LUM: variants seen among roughly 807,000 people sequenced by gnomAD.
The protein encoded by LUM is lumican, also known as KSPG lumican.
In LUM, 13 loss-of-function variants were observed where a neutral mutation model predicts 20.5. That is an observed-to-expected ratio of 0.63 (90% CI 0.41 to 1.01). The LOEUF (loss-of-function observed/expected upper bound fraction) is 1.01. Ranked by LOEUF, LUM falls within the 50% of genes least tolerant of loss-of-function variation. LUM has a pLI of 0.00. For missense variants in LUM, 321 were observed against 391.1 expected (o/e 0.82, Z 1.51); for synonymous variants, 173 against 151.5 (o/e 1.14, Z -1.04).
Position 91,103,508 on chromosome 12 carries a change from T to C in LUM, c.*657A>G, listed in dbSNP as rs985079601. On this transcript the variant is annotated 3_prime_UTR_variant, in exon 3 of 3. Transcript: ENST00000266718. ...AATCTATTGTTTTATGTATTTTATA[T>C]ACAAAGTACAGAAATTTCACAAGAA... 6.6e-6 allele frequency: 1 copy of C among 152,130 alleles called. No individual in the cohort carries two copies. The highest frequency in any genetic ancestry group is 2.4e-5 in the African/African-American group (1 of 41,454). The allele number at this position is 152,130 out of a possible 1,614,324, so 9.4% of individuals were successfully genotyped here.
intron 1 of LUM, among the ~76,000 whole-genome samples, chr12:91,109,320 T>G (rs569091277): frequency 6.6e-6 from 1 of 152,266 alleles, no homozygotes; most frequent in African/African-American, 2.4e-5. Context: ...CTGGGTGGTG[T>G]TCATTGACCA....
chr12:91,107,279 G>GAA (rs1458600812), intron 2 of LUM, among the ~76,000 whole-genome samples: 1 of 97,670 alleles, frequency 1.0e-5, no homozygotes, highest in Non-Finnish European at 2.0e-5. Context: ...AAGAAAGAAA[G>GAA]AAAGAAAGAG....
chr12:91,109,923 G>T (rs1034202018), intron 1 of LUM, among the ~76,000 whole-genome samples: 1 of 152,096 alleles, frequency 6.6e-6, no homozygotes, highest in Non-Finnish European at 1.5e-5. Flanking sequence ...TGGGAGAGAG[G>T]TGTGATGTTT....
chr12:91,108,093 A>C lies in LUM; in HGVS notation c.862+25T>G. On this transcript the variant is annotated intron_variant, in intron 2 of 2. Coordinates refer to ENST00000266718, the MANE Select transcript of LUM (RefSeq NM_002345.4). This position sits in a 1 kb window ranked among gnomAD's most constrained non-coding sequence, Gnocchi z 4.2. ...TATTTAAACACTTGAGCACACATCA[A>C]ACACAGGAACAGCTTTTTACTTACT... is the stretch of plus-strand genomic sequence containing the variant. 1 of 1,613,390 alleles carries C rather than the reference A, an allele frequency of 6.2e-7. No individual in the cohort carries two copies. The highest frequency in any genetic ancestry group is 8.5e-7 in the Non-Finnish European group (1 of 1,179,570).
At position 91,103,540 on chromosome 12, in the gene LUM, C is replaced by T. The variant is rs11478; in HGVS notation, c.*625G>A. 0.078 allele frequency: 11,854 copies of T among 152,090 alleles called. 576 individuals are homozygous for T. The highest frequency in any genetic ancestry group is 0.11 in the Non-Finnish European group (7,572 of 67,896). 9.4% of individuals were successfully genotyped at this position (152,090 alleles called of 1,614,324 possible). A position where few individuals can be genotyped will look rare whatever the true frequency, so the allele number is the denominator to read the frequency against. Reference sequence around the variant, plus strand: ...TACAGAAATTTCACAAGAAGTCAAACACAGTGATGCCATTTGCTATGTTTT... The same window carrying T: ...TACAGAAATTTCACAAGAAGTCAAATACAGTGATGCCATTTGCTATGTTTT... On this transcript the variant is annotated 3_prime_UTR_variant, in exon 3 of 3. Coordinates refer to ENST00000266718, the MANE Select transcript of LUM (RefSeq NM_002345.4).
chr12:91,107,371 AAG>A (rs752887695), intron 2 of LUM, among the ~76,000 whole-genome samples: 8 of 148,088 alleles, frequency 5.4e-5, no homozygotes, highest in South Asian at 2.3e-4. Context: ...AAGAAAGAAA[AAG>A]AGAGAGAGAG....
In LUM at chr12:91,108,006, C is replaced by T. The variant is rs985621740; in HGVS notation, c.862+112G>A. 5 of 1,252,476 alleles carry T rather than the reference C, an allele frequency of 4.0e-6. No homozygotes were observed. Among genetic ancestry groups the T allele is most frequent in the Non-Finnish European group, 5.8e-6 (5 of 856,540 alleles). The allele number at this position is 1,252,476 out of a possible 1,614,324, so 77.6% of individuals were successfully genotyped here. On this transcript the variant is annotated intron_variant, in intron 2 of 2. Coordinates refer to ENST00000266718, the MANE Select transcript of LUM (RefSeq NM_002345.4). The surrounding 1 kb of genome is among the most constrained non-coding windows in gnomAD (Gnocchi z 4.2). ...GGATTTACAGGAATGAGCCACAGCG[C>T]CCGGGCGACATTTTGTTTTTTTAAT...
At chr12:91,110,601 T>G (rs941796782) in intron 1 of LUM, among the ~76,000 whole-genome samples, 2 of 152,216 alleles carry the variant, frequency 1.3e-5, no homozygotes, top group Non-Finnish European at 2.9e-5. Context: ...GCTTTATTAA[T>G]AAGCTATTTT....
chr12:91,107,265 AAGAAAGAAAGAAAGAAAGAAAG>A (rs1348842460), intron 2 of LUM, among the ~76,000 whole-genome samples: 276 of 83,432 alleles, frequency 3.3e-3, no homozygotes, highest in African/African-American at 0.013. Flanking sequence ...GAAAGAAAGA[AAGAAAGAAAGAAAGAAAGAAAG>A]AGAAAGAAAG....
intron 2 of LUM, among the ~76,000 whole-genome samples, chr12:91,107,170 AG>A (rs1319866174): frequency 6.9e-6 from 1 of 144,656 alleles, no homozygotes; most frequent in East Asian, 2.0e-4. Context: ...AAAGAAAGAA[AG>A]AAAACGAAAG....
rs568058480 is a variant in LUM, at chr12:91,109,035, AT to A, written c.-21-36del. 2,354 of 1,378,646 alleles carry A rather than the reference AT, an allele frequency of 1.7e-3. 9 individuals carry two copies. Among genetic ancestry groups the A allele is most frequent in the Middle Eastern group, 1.9e-3 (8 of 4,182 alleles). The allele number at this position is 1,378,646 out of a possible 1,614,324, so 85.4% of individuals were successfully genotyped here. A position where few individuals can be genotyped will look rare whatever the true frequency, so the allele number is the denominator to read the frequency against. The stretch of plus-strand genomic sequence containing the variant: ...GATGAAACATTTATTAATTAAAAAA[AT>A]ATATACTTTCAAGAAAAAGACATTC... On this transcript the variant is annotated intron_variant, in intron 1 of 2. Transcript: ENST00000266718.
intron 2 of LUM, among the ~76,000 whole-genome samples, chr12:91,105,285 T>C (rs1450914057): frequency 5.9e-5 from 9 of 152,176 alleles, no homozygotes. Flanking sequence ...ACTTATCTGA[T>C]CTTGTTAGAA....
intron 1 of LUM, among the ~76,000 whole-genome samples, chr12:91,109,984 A>G (rs1026408477): frequency 3.9e-5 from 6 of 152,178 alleles, no homozygotes; most frequent in Non-Finnish European, 7.4e-5. Flanking sequence ...AAATTATTCA[A>G]TTGAGAATAT....
Position 91,103,888 on chromosome 12 carries a change from A to T in LUM, c.*277T>A. The T allele has an allele frequency of 3.9e-6, 1 of 258,124 alleles. No homozygotes were observed. Among genetic ancestry groups the T allele is most frequent in the South Asian group, 6.0e-5 (1 of 16,588 alleles). The allele number at this position is 258,124 out of a possible 1,614,324, so 16.0% of individuals were successfully genotyped here. On this transcript the variant is annotated 3_prime_UTR_variant, in exon 3 of 3. Transcript: ENST00000266718. ...AAACTTGGCTGATTTCCATGCAACC[A>T]GTAAAAGGTTTTGCACATCATTTGA...
chr12:91,105,099 A>G (rs1880001749), intron 2 of LUM, among the ~76,000 whole-genome samples: 1 of 152,184 alleles, frequency 6.6e-6, no homozygotes, highest in South Asian at 2.1e-4. Context: ...CTAGTTAACA[A>G]AGACTTCAGT....
In LUM at chr12:91,108,668, G is replaced by A. The variant is rs1336228749; in HGVS notation, c.312C>T (p.Asn104=). The A allele has an allele frequency of 1.9e-6, 3 of 1,613,810 alleles. No individual in the cohort carries two copies. The highest frequency in any genetic ancestry group is 3.3e-5 in the Admixed American group (2 of 59,976). The change falls in exon 2 of 3, where the codon AAC becomes AAT. Residue 104 remains asparagine (N), a synonymous_variant. Coordinates refer to ENST00000266718, the MANE Select transcript of LUM (RefSeq NM_002345.4). The surrounding 1 kb of genome is among the most constrained non-coding windows in gnomAD (Gnocchi z 4.2). ...WLILDHNLLE[N]SKIKGRVFSK... is the part of the protein sequence containing the mutation. The stretch of plus-strand genomic sequence containing the variant: ...AGAAAACTCTCCCTTTTATCTTGGA[G>A]TTTTCTAGAAGGTTGTGATCTAGAA...
intron 1 of LUM, among the ~76,000 whole-genome samples, chr12:91,109,381 G>C (rs1382970382): frequency 6.6e-6 from 1 of 152,164 alleles, no homozygotes; most frequent in Non-Finnish European, 1.5e-5. Context: ...AGAATGAGAA[G>C]ACAGTTTTTA....
At chr12:91,104,362 A>G (rs373881223) in intron 2 of LUM, 43 bp from the exon 3 acceptor site, 17 of 1,397,076 alleles carry the variant, frequency 1.2e-5, no homozygotes, top group African/African-American at 7.2e-5. Context: ...TTTTCAGTAC[A>G]CTGGCTCAAA....
At chr12:91,106,377 A>G (rs1880032591) in intron 2 of LUM, among the ~76,000 whole-genome samples, 1 of 151,918 alleles carries the variant, frequency 6.6e-6, no homozygotes, top group East Asian at 1.9e-4. Flanking sequence ...TTCCTGCTTG[A>G]TTTTTTCATT....
Sources: allele counts gnomAD v4.1 joint callset (sites outside exome capture counted in the v4.1 genomes callset), GRCh38; gene constraint gnomAD v4.1.1; non-coding constraint Gnocchi (gnomAD v3.1); transcripts MANE v1.5; gene names NCBI Gene and HGNC (gene_info 2026-07-23, HGNC 2026-07-21).